The following CES5A variants were observed in gnomAD, a reference collection of about 807,000 sequenced individuals.
The protein encoded by CES5A is carboxylesterase 5.
In CES5A, 67 loss-of-function variants were observed where a neutral mutation model predicts 62.9. The ratio of observed to expected loss-of-function variants is 1.07; its 90% CI spans 0.88 to 1.31. The LOEUF (loss-of-function observed/expected upper bound fraction) is 1.31. CES5A is among the 50% of genes most tolerant of loss of function. The pLI is 0.00. For missense variants in CES5A, 748 were observed against 708.5 expected (o/e 1.06, Z -0.63); for synonymous variants, 296 against 280.8 (o/e 1.05, Z -0.54).
intron 2 of CES5A, among the ~76,000 whole-genome samples, chr16:55,942,921 C>T (rs955535790): frequency 3.0e-4 from 46 of 152,162 alleles, no homozygotes; most frequent in African/African-American, 1.0e-3. Context: ...ATAGCACATA[C>T]TGGGCGATTT....
At chr16:55,940,945 A>G (rs8052266) in intron 2 of CES5A, among the ~76,000 whole-genome samples, 2,281 of 152,062 alleles carry the variant, frequency 0.015, 71 homozygotes, top group African/African-American at 0.052. Flanking sequence ...ACAAAATGCA[A>G]CAATTCATGA....
intron 2 of CES5A, among the ~76,000 whole-genome samples, chr16:55,935,641 C>T (rs551753972): frequency 1.3e-5 from 2 of 152,320 alleles, no homozygotes; most frequent in East Asian, 3.9e-4. Flanking sequence ...AGCCTTCCAC[C>T]ACACTCCTTT....
At chr16:55,894,705 A>T (rs1236012363) in intron 1 of CES5A, among the ~76,000 whole-genome samples, 2 of 152,182 alleles carry the variant, frequency 1.3e-5, no homozygotes, top group African/African-American at 4.8e-5. Flanking sequence ...TCAAACATTT[A>T]CTGCAGAAAA....
chr16:55,877,821 T>C (rs1163109567), upstream of CES5A, among the ~76,000 whole-genome samples: 1 of 152,164 alleles, frequency 6.6e-6, no homozygotes, highest in African/African-American at 2.4e-5. Flanking sequence ...TGGTCCAATA[T>C]CACAAAGCTG....
intron 1 of CES5A, among the ~76,000 whole-genome samples, chr16:55,884,527 A>G (rs896299111): frequency 1.8e-4 from 28 of 151,998 alleles, no homozygotes; most frequent in African/African-American, 6.7e-4. Flanking sequence ...ACCCAGTTCT[A>G]CGGCCACCTC....
At chr16:55,901,647 G>A (rs1187821149) in intron 1 of CES5A, among the ~76,000 whole-genome samples, 1 of 152,072 alleles carries the variant, frequency 6.6e-6, no homozygotes, top group Non-Finnish European at 1.5e-5. Context: ...ATATTCCCTG[G>A]TGCACTGAGC....
At chr16:55,909,755 G>T (rs2142449114) in intron 1 of CES5A, among the ~76,000 whole-genome samples, 1 of 152,330 alleles carries the variant, frequency 6.6e-6, no homozygotes, top group East Asian at 1.9e-4. Flanking sequence ...TGCACTGGCT[G>T]CCTGGGAAAG....
intron 1 of CES5A, among the ~76,000 whole-genome samples, chr16:55,886,916 G>T (rs2033821845): frequency 6.6e-6 from 1 of 152,036 alleles, no homozygotes; most frequent in African/African-American, 2.4e-5. Context: ...TGTGGTTAAG[G>T]ATGGGTCTGT....
intron 1 of CES5A, among the ~76,000 whole-genome samples, chr16:55,911,504 A>C (rs774842398): frequency 3.9e-5 from 6 of 152,250 alleles, no homozygotes; most frequent in Non-Finnish European, 7.3e-5. Flanking sequence ...CATGTCTTTC[A>C]TGTGCTGCTT....
chr16:55,913,264 T>C (rs1477154119), intron 1 of CES5A, among the ~76,000 whole-genome samples: 4 of 151,964 alleles, frequency 2.6e-5, no homozygotes, highest in African/African-American at 9.7e-5. Flanking sequence ...TGTTCCTGGG[T>C]GCAATGGCAG....
At chr16:55,897,497 C>A (rs1366437737) in intron 1 of CES5A, among the ~76,000 whole-genome samples, 1 of 152,140 alleles carries the variant, frequency 6.6e-6, no homozygotes, top group African/African-American at 2.4e-5. Flanking sequence ...AGTCAACACC[C>A]AAACCAAAGG....
rs2033347953 is a variant in CES5A at position 55,861,416 on chromosome 16, CT to C, written c.910del (p.Ser304AlafsTer21). On this transcript the variant is annotated frameshift_variant, in exon 7 of 13. Coordinates refer to ENST00000290567, the MANE Select transcript of CES5A (RefSeq NM_001143685.2). LOFTEE classifies it high-confidence loss of function. ...TKPSKELLTL[S>X]QKTKSFTRVV... The stretch of plus-strand genomic sequence containing the variant: ...AACTGCCCCCTCTGTCCTCACCTGG[CT>C]GAGGGTCAGCAGCTCCTTGGAGGGT... The C allele has an allele frequency of 1.2e-6, 2 of 1,608,408 alleles. No individual in the cohort carries two copies. The highest frequency in any genetic ancestry group is 1.7e-6 in the Non-Finnish European group (2 of 1,174,994).
At chr16:55,917,171 C>T (rs528154310) in intron 1 of CES5A, among the ~76,000 whole-genome samples, 2 of 152,320 alleles carry the variant, frequency 1.3e-5, no homozygotes, top group South Asian at 2.1e-4. Context: ...GTTTTAAGTG[C>T]CATCAAATAC....
At position 55,871,765 on chromosome 16, in the gene CES5A, T is replaced by A. The variant is rs2033593956; in HGVS notation, c.279-2A>T. 3 of 1,609,202 alleles carry A rather than the reference T, an allele frequency of 1.9e-6. No individual in the cohort carries two copies. Among genetic ancestry groups the A allele is most frequent in the Admixed American group, 1.7e-5 (1 of 59,862 alleles). Reference sequence around the variant, plus strand: ...AGCCACTCTGAGTTCTGGAGGCACCTTGGAGAAGGAGAGGAGAAAACCCTC... The same window carrying A: ...AGCCACTCTGAGTTCTGGAGGCACCATGGAGAAGGAGAGGAGAAAACCCTC... On this transcript the variant is annotated splice_acceptor_variant, in intron 2 of 12. Coordinates refer to ENST00000290567, the MANE Select transcript of CES5A (RefSeq NM_001143685.2). LOFTEE classifies it high-confidence loss of function.
chr16:55,874,188 TC>T, intron 1 of CES5A, 151 bp from the exon 2 acceptor site: 1 of 690,320 alleles, frequency 1.4e-6, no homozygotes, highest in Non-Finnish European at 2.4e-6. Flanking sequence ...TGAATCCAGT[TC>T]CATGGCTTTT....
At chr16:55,942,218 G>A (rs541652025) in intron 2 of CES5A, among the ~76,000 whole-genome samples, 1 of 152,190 alleles carries the variant, frequency 6.6e-6, no homozygotes, top group South Asian at 2.1e-4. Context: ...AAAACAATAG[G>A]TAACTTGAAC....
intron 2 of CES5A, among the ~76,000 whole-genome samples, chr16:55,931,410 C>T (rs79191061): frequency 0.022 from 3,403 of 152,284 alleles, 48 homozygotes; most frequent in Non-Finnish European, 0.029. Context: ...TGCCACAACA[C>T]ACGTGGACTC....
chr16:55,856,340 G>A, intron 9 of CES5A, 37 bp downstream of exon 9: 1 of 1,593,990 alleles, frequency 6.3e-7, no homozygotes, highest in Non-Finnish European at 8.6e-7. Flanking sequence ...TTAAGTGCAT[G>A]TGTCTCTGGA....
chr16:55,942,152 TG>T lies in CES5A; in HGVS notation c.160+7632del, dbSNP rs575383299. On this transcript the variant is annotated intron_variant, in intron 2 of 13. Transcript: ENST00000521992. ...AGAATAAAACACAAAAGAATACTTT[TG>T]CATTCTTAGATTAGACAAAGATTTC... Among the ~76,000 whole-genome samples, 266 of 152,328 alleles carry T rather than the reference TG, an allele frequency of 1.7e-3. 1 individual carries two copies. The highest frequency in any genetic ancestry group is 6.0e-3 in the African/African-American group (249 of 41,586).
Sources: allele counts gnomAD v4.1 joint callset (sites outside exome capture counted in the v4.1 genomes callset), GRCh38; gene constraint gnomAD v4.1.1; transcripts MANE v1.5; gene names NCBI Gene and HGNC (gene_info 2026-07-23, HGNC 2026-07-21).